Variants in ATP6V0A2 observed in about 807,000 individuals in gnomAD.
ATP6V0A2 encodes the protein ATPase H+ transporting V0 subunit a2.
A neutral mutation model predicts 104.4 loss-of-function variants in ATP6V0A2; 58 were observed. The ratio of observed to expected loss-of-function variants is 0.56; its 90% CI spans 0.45 to 0.69. The LOEUF (loss-of-function observed/expected upper bound fraction) is 0.69. Among genes scored for constraint, ATP6V0A2 ranks in the 30% least tolerant of loss-of-function variants. ATP6V0A2 has a pLI of 0.00. For missense variants in ATP6V0A2, 938 were observed against 1,062.9 expected (o/e 0.88, Z 1.63); for synonymous variants, 376 against 397.9 (o/e 0.95, Z 0.65).
In ATP6V0A2 at chr12:123,717,052, C is replaced by T. The variant is rs191500230; in HGVS notation, c.118-1571C>T. Among the ~76,000 whole-genome samples the T allele has an allele frequency of 1.9e-3, 287 of 152,112 alleles. 2 individuals are homozygous for T. The highest frequency in any genetic ancestry group is 6.3e-3 in the African/African-American group (262 of 41,498). ...CATCCAGGGTGGGCGTGGTGGCTCA[C>T]GCCTGTAATCCTAGCATTTTGGGAG... On this transcript the variant is annotated intron_variant, in intron 1 of 19. Transcript: ENST00000330342.
At chr12:123,736,495 A>G (rs1956555631) in intron 8 of ATP6V0A2, among the ~76,000 whole-genome samples, 1 of 152,118 alleles carries the variant, frequency 6.6e-6, no homozygotes, top group Non-Finnish European at 1.5e-5. Context: ...CCCGGTCTGG[A>G]TTGTAATTCT....
chr12:123,718,665 G>A lies in ATP6V0A2; in HGVS notation c.160G>A (p.Glu54Lys), dbSNP rs769623077. 1.2e-6 allele frequency: 2 copies of A among 1,612,598 alleles called. No homozygotes were observed. The highest frequency in any genetic ancestry group is 4.5e-5 in the East Asian group (2 of 44,826). Residue 54 changes from glutamate to lysine, a missense_variant, in exon 2 of 20, where the codon GAG becomes AAG. Physicochemically the swap from Glu to Lys is moderately conservative, Grantham distance 56. Transcript: ENST00000330342. The part of the protein sequence containing the change: ...VSSFQRKFVG[E>K]VKRCEELERI... ...TTCTTTCCAAAGAAAATTTGTTGGTGAGGTGAAGAGGTGTGAAGAGCTAGA... is the reference window on the plus strand; with the variant it reads ...TTCTTTCCAAAGAAAATTTGTTGGTAAGGTGAAGAGGTGTGAAGAGCTAGA...
At chr12:123,746,694 C>T (rs993119103) in intron 13 of ATP6V0A2, among the ~76,000 whole-genome samples, 23 of 145,292 alleles carry the variant, frequency 1.6e-4, no homozygotes, top group Non-Finnish European at 2.4e-4. Context: ...CACCTATAAT[C>T]TCAGCACTTT....
intron 15 of ATP6V0A2, chr12:123,750,161 T>G (rs1340808673): frequency 6.6e-6 from 1 of 152,252 alleles, no homozygotes. Flanking sequence ...GCAGCTACCT[T>G]TCTTTACTAC....
At chr12:123,746,773 C>T (rs934011297) in intron 13 of ATP6V0A2, among the ~76,000 whole-genome samples, 1 of 151,888 alleles carries the variant, frequency 6.6e-6, no homozygotes, top group Non-Finnish European at 1.5e-5. Flanking sequence ...ATGGCGAAAC[C>T]CTTTCTCTAC....
chr12:123,727,726 A>G, intron 5 of ATP6V0A2, 57 bp from the exon 6 acceptor site: 2 of 1,605,696 alleles, frequency 1.2e-6, no homozygotes, highest in South Asian at 1.1e-5. Context: ...TTCTTAATGT[A>G]GTTTGATAAC....
intron 9 of ATP6V0A2, among the ~76,000 whole-genome samples, 156 bp from the exon 10 acceptor site, chr12:123,743,629 G>A (rs1192064035): frequency 6.6e-6 from 1 of 151,018 alleles, no homozygotes; most frequent in Non-Finnish European, 1.5e-5. Flanking sequence ...CTCCAGCCTG[G>A]GCAACAAGAG....
chr12:123,733,048 C>T (rs989772770), intron 6 of ATP6V0A2: 1 of 152,170 alleles, frequency 6.6e-6, no homozygotes, highest in African/African-American at 2.4e-5. Flanking sequence ...CACGGTGGCT[C>T]ATGCCTGTAA....
rs1206393552 is a variant in ATP6V0A2, at chr12:123,726,402, AG to A, written c.521+118del. 14 of 767,420 alleles carry A rather than the reference AG, an allele frequency of 1.8e-5. No individual in the cohort carries two copies. The African/African-American group carries it at 2.1e-4, about 11-fold the overall frequency. 47.5% of individuals were successfully genotyped at this position (767,420 alleles called of 1,614,324 possible). On this transcript the variant is annotated intron_variant, in intron 5 of 19. Coordinates refer to ENST00000330342, the MANE Select transcript of ATP6V0A2 (RefSeq NM_012463.4). The stretch of plus-strand genomic sequence containing the variant: ...TAAAGCCTAGGGTTGAATGAAACAT[AG>A]TGAATATTTGTTTAAGAAACACTGT...
chr12:123,752,214 A>C, intron 16 of ATP6V0A2, 69 bp from the exon 17 acceptor site: 1 of 1,598,146 alleles, frequency 6.3e-7, no homozygotes, highest in Non-Finnish European at 8.6e-7. Context: ...CAAAGAAACT[A>C]TACAAGTTTG....
Position 123,712,579 on chromosome 12 carries a change from T to A in ATP6V0A2, c.14T>A (p.Phe5Tyr). 1 of 1,595,776 alleles carries A rather than the reference T, an allele frequency of 6.3e-7. No homozygotes were observed. Among genetic ancestry groups the A allele is most frequent in the Non-Finnish European group, 8.5e-7 (1 of 1,173,466 alleles). The change falls in exon 1 of 20, where the codon TTC becomes TAC. Residue 5 changes from phenylalanine (F) to tyrosine (Y), a missense_variant. Phe to Tyr is a conservative substitution (Grantham distance 22). Transcript: ENST00000330342. ...GGTCGGCCCGCCATGGGGTCCCTGT[T>A]CCGGAGCGAGACCATGTGCCTGGCG... The part of the protein sequence containing the change: MGSL[F>Y]RSETMCLAQL...
chr12:123,750,323 T>G (rs1956702399), intron 15 of ATP6V0A2: 1 of 152,518 alleles, frequency 6.6e-6, no homozygotes, highest in Admixed American at 6.5e-5. Context: ...GCCAGGCTGT[T>G]AACCTAGGTC....
chr12:123,746,847 C>T (rs553130868), intron 13 of ATP6V0A2, among the ~76,000 whole-genome samples: 205 of 151,794 alleles, frequency 1.4e-3, no homozygotes, highest in African/African-American at 4.4e-3. Context: ...GCAGGAGAAT[C>T]GCTTGAACCC....
chr12:123,717,760 C>T (rs891743848), intron 1 of ATP6V0A2, among the ~76,000 whole-genome samples: 1 of 151,912 alleles, frequency 6.6e-6, no homozygotes, highest in Non-Finnish European at 1.5e-5. Flanking sequence ...TCTTTAACTA[C>T]GCTACTGTAA....
chr12:123,736,924 T>A, intron 8 of ATP6V0A2, 135 bp from the exon 9 acceptor site: 1 of 880,044 alleles, frequency 1.1e-6, no homozygotes, highest in East Asian at 2.5e-5. Flanking sequence ...CTCCCTTAGC[T>A]GCCACCAGGA....
At position 123,751,175 on chromosome 12, in the gene ATP6V0A2, G is replaced by A; in HGVS notation, c.2001G>A (p.Lys667=). The part of the protein sequence containing the change: ...ALSVPVLFLG[K]PLFLLWLHNG... ...CTGTCCCTGTCCTCTTCTTGGGAAA[G>A]CCACTGTTTTTGTTGTGGCTTCACA... Residue 667 remains lysine (K), a synonymous_variant, in exon 16 of 20, where the codon AAG becomes AAA. Transcript: ENST00000330342. 1 of 1,614,190 alleles carries A rather than the reference G, an allele frequency of 6.2e-7. No individual in the cohort carries two copies.
At position 123,752,363 on chromosome 12, in the gene ATP6V0A2, C is replaced by A. The variant is rs1482214964; in HGVS notation, c.2136C>A (p.His712Gln). 6.2e-7 allele frequency: 1 copy of A among 1,613,978 alleles called. No individual in the cohort carries two copies. Among genetic ancestry groups the A allele is most frequent in the Non-Finnish European group, 8.5e-7 (1 of 1,179,968 alleles). Residue 712 changes from histidine (H) to glutamine (Q), a missense_variant, in exon 17 of 20, where the codon CAC becomes CAA. Transcript: ENST00000330342. ...LGSQDIEEGN[H>Q]QVEDGCREMA... ...GCCAAGATATAGAAGAGGGAAATCA[C>A]CAGGTGGAAGATGGATGTAGAGAAA...
intron 6 of ATP6V0A2, among the ~76,000 whole-genome samples, chr12:123,728,864 G>T (rs1176689019): frequency 1.3e-5 from 2 of 151,896 alleles, no homozygotes; most frequent in Admixed American, 1.3e-4. Flanking sequence ...TACTGGTCAT[G>T]GTCACTCTGA....
At chr12:123,732,820 T>A (rs1253401458) in intron 6 of ATP6V0A2, 4 of 148,194 alleles carry the variant, frequency 2.7e-5, no homozygotes, top group African/African-American at 9.8e-5. Flanking sequence ...CTGGCGTACT[T>A]TCTTTGTTTC....
Sources: gnomAD v4.1 joint callset for allele counts (sites outside exome capture counted in the v4.1 genomes callset) on GRCh38, gnomAD v4.1.1 for gene constraint, MANE v1.5 for transcripts, NCBI Gene and HGNC (gene_info 2026-07-23, HGNC 2026-07-21) for gene names.